Variants in KATNAL2 observed in about 807,000 individuals in gnomAD.
The protein encoded by KATNAL2 is katanin catalytic subunit A1 like 2.
KATNAL2 carries 52 observed loss-of-function variants against 76.3 expected under a neutral mutation model. The ratio of observed to expected loss-of-function variants is 0.68; its 90% CI spans 0.55 to 0.86. KATNAL2 has a LOEUF of 0.86. Ranked by LOEUF, KATNAL2 falls within the 40% of genes least tolerant of loss-of-function variation. The pLI is 0.00. For missense variants in KATNAL2, 660 were observed against 668.9 expected, an observed-to-expected ratio of 0.99 and a Z score of 0.15; for synonymous variants, 243 against 244.2, an observed-to-expected ratio of 1.00 and a Z score of 0.05.
intron 3 of KATNAL2, among the ~76,000 whole-genome samples, chr18:46,958,370 T>A (rs1048072811): frequency 3.3e-5 from 5 of 152,170 alleles, no homozygotes; most frequent in Admixed American, 3.3e-4. Context: ...ATAAATTCCC[T>A]ATAATAAATC....
chr18:47,090,667 T>TAG (rs2062961262), intron 15 of KATNAL2, among the ~76,000 whole-genome samples: 1 of 151,756 alleles, frequency 6.6e-6, no homozygotes, highest in Admixed American at 6.6e-5. Flanking sequence ...CTTTATGAGG[T>TAG]AGAGAGCACT....
rs749165906 is a variant in KATNAL2, at chr18:47,034,194, G to C, written c.52-12263G>C. The C allele has an allele frequency of 1.1e-5, 17 of 1,613,828 alleles. No individual in the cohort carries two copies. The Admixed American group carries it at 2.8e-4, about 27-fold the overall frequency. ...CAGAGAGGGAGCTCACGGACGTTCT[G>C]TCCAAATGAGCAGTCGGTGGCTTCC... On this transcript the variant is annotated intron_variant, in intron 3 of 17. Coordinates refer to ENST00000683218, the MANE Select transcript of KATNAL2 (RefSeq NM_001387690.1).
intron 3 of KATNAL2, among the ~76,000 whole-genome samples, chr18:46,960,928 G>C (rs968292324): frequency 6.6e-6 from 1 of 152,154 alleles, no homozygotes; most frequent in African/African-American, 2.4e-5. Context: ...GCAGACTTGC[G>C]TCTTAAGAAC....
At chr18:47,033,997 G>A (rs746615025) in intron 3 of KATNAL2, 1 of 1,613,884 alleles carries the variant, frequency 6.2e-7, no homozygotes, top group Admixed American at 1.7e-5. Flanking sequence ...CGAATCCCAG[G>A]ACTCACGAGT....
chr18:46,923,796 G>A (rs2058648267), intron 1 of KATNAL2, among the ~76,000 whole-genome samples: 1 of 152,142 alleles, frequency 6.6e-6, no homozygotes, highest in African/African-American at 2.4e-5. Context: ...ATCTCATTGT[G>A]GTTTTGATTT....
chr18:46,940,896 A>G (rs561718039), intron 1 of KATNAL2, among the ~76,000 whole-genome samples: 91 of 152,022 alleles, frequency 6.0e-4, no homozygotes, highest in African/African-American at 2.2e-3. Flanking sequence ...ATGGTGGCAT[A>G]CTCCTATAGT....
intron 1 of KATNAL2, among the ~76,000 whole-genome samples, chr18:46,931,139 TA>T (rs1555824546): frequency 1.5e-4 from 19 of 122,780 alleles, no homozygotes; most frequent in Non-Finnish European, 2.8e-4. Flanking sequence ...ATAATAATAA[TA>T]AATAAATAAA....
At chr18:47,081,100 A>C (rs2062495967) in intron 15 of KATNAL2, among the ~76,000 whole-genome samples, 1 of 138,992 alleles carries the variant, frequency 7.2e-6, no homozygotes, top group Admixed American at 7.7e-5. Flanking sequence ...CCATCACTTT[A>C]TCCCTCCCTC....
chr18:47,033,097 G>C (rs761094990), intron 3 of KATNAL2: 2 of 1,614,108 alleles, frequency 1.2e-6, no homozygotes, highest in Non-Finnish European at 1.7e-6. Context: ...TTTGGCCGCG[G>C]GCGCCGCGTG....
At chr18:46,957,343 C>T (rs972382257) in intron 3 of KATNAL2, among the ~76,000 whole-genome samples, 2 of 149,584 alleles carry the variant, frequency 1.3e-5, no homozygotes, top group Admixed American at 6.6e-5. Context: ...AGGCTCCGCC[C>T]CCCGGGGTTC....
chr18:46,946,914 G>T lies in KATNAL2; in HGVS notation c.42G>T (p.Ala14=). The T allele has an allele frequency of 7.2e-6, 11 of 1,532,046 alleles. No individual in the cohort carries two copies. The highest frequency in any genetic ancestry group is 9.6e-6 in the Non-Finnish European group (11 of 1,143,164). The allele number at this position is 1,532,046 out of a possible 1,614,324, so 94.9% of individuals were successfully genotyped here. Residue 14 remains alanine, a synonymous_variant, in exon 3 of 18, where the codon GCG becomes GCT. Coordinates refer to ENST00000683218, the MANE Select transcript of KATNAL2 (RefSeq NM_001387690.1). ...AGACCCTGAAATTCACGCATCAGGC[G>T]CGGGAAGCGGTAAGGAACGCATATA... ...SYQTLKFTHQ[A]REACEMRTEA...
intron 3 of KATNAL2, among the ~76,000 whole-genome samples, chr18:46,958,177 G>T (rs959885131): frequency 6.6e-6 from 1 of 151,770 alleles, no homozygotes; most frequent in African/African-American, 2.4e-5. Flanking sequence ...CTTTTCCTGA[G>T]TCTTGAGTCT....
intron 8 of KATNAL2, among the ~76,000 whole-genome samples, chr18:47,062,429 A>G (rs772821099): frequency 2.0e-5 from 3 of 152,156 alleles, no homozygotes; most frequent in Non-Finnish European, 2.9e-5. Context: ...TATGGAGAAA[A>G]GGGAACTCAT....
rs748253834 is a variant in KATNAL2 at position 47,063,352 on chromosome 18, G to A, written c.717G>A (p.Val239=). 1.2e-6 allele frequency: 2 copies of A among 1,613,768 alleles called. No homozygotes were observed. Among genetic ancestry groups the A allele is most frequent in the South Asian group, 2.2e-5 (2 of 91,046 alleles). The change falls in exon 10 of 18, where the codon GTG becomes GTA. Residue 239 remains valine (V), a synonymous_variant. Coordinates refer to ENST00000683218, the MANE Select transcript of KATNAL2 (RefSeq NM_001387690.1). The stretch of plus-strand genomic sequence containing the variant: ...GTGAGATGCGAGAATTGGCAGCCGT[G>A]GTGAGCCGGGTAAGATCTGATATTC... The part of the protein sequence containing the change: ...MNSEMRELAA[V]VSRDIYLHNP...
intron 1 of KATNAL2, among the ~76,000 whole-genome samples, chr18:46,930,657 A>G (rs564879585): frequency 6.6e-6 from 1 of 151,792 alleles, no homozygotes; most frequent in East Asian, 1.9e-4. Context: ...CTCTACTGAA[A>G]ATACAAAAAT....
chr18:47,043,116 A>G (rs1316947513), intron 3 of KATNAL2, among the ~76,000 whole-genome samples: 1 of 151,712 alleles, frequency 6.6e-6, no homozygotes, highest in African/African-American at 2.4e-5. Flanking sequence ...AGTCCCAGCT[A>G]CTCGGGAGGC....
At chr18:46,932,057 C>T (rs1016476068) in intron 1 of KATNAL2, among the ~76,000 whole-genome samples, 1 of 151,762 alleles carries the variant, frequency 6.6e-6, no homozygotes, top group Non-Finnish European at 1.5e-5. Flanking sequence ...ATTACAGGTG[C>T]GTGCTACCAT....
At chr18:47,048,295 C>T (rs922543199) in intron 4 of KATNAL2, among the ~76,000 whole-genome samples, 4 of 152,140 alleles carry the variant, frequency 2.6e-5, no homozygotes, top group Non-Finnish European at 4.4e-5. Flanking sequence ...GCTACTGGAA[C>T]TAAAAGTCGG....
At chr18:46,955,124 T>G (rs181392484) in intron 3 of KATNAL2, among the ~76,000 whole-genome samples, 72 of 103,578 alleles carry the variant, frequency 7.0e-4, no homozygotes, top group Middle Eastern at 0.01. Flanking sequence ...CCTTTTGTCT[T>G]TCTTTCTTTC....
Sources: gnomAD v4.1 joint callset for allele counts (sites outside exome capture counted in the v4.1 genomes callset) on GRCh38, gnomAD v4.1.1 for gene constraint, MANE v1.5 for transcripts, NCBI Gene and HGNC (gene_info 2026-07-23, HGNC 2026-07-21) for gene names.